The following FMNL2 variants were observed in gnomAD, a reference collection of about 807,000 sequenced individuals.
FMNL2 encodes the protein formin-like protein 2.
FMNL2 carries 51 observed loss-of-function variants against 130.2 expected under a neutral mutation model. The observed-to-expected ratio is 0.39, with a 90% CI of 0.31 to 0.49. The LOEUF is 0.49. FMNL2 is among the 20% of genes least tolerant of loss of function. The probability of loss-of-function intolerance (pLI) is 0.85; values close to 1 mark genes in which losing one functional copy is unlikely to be tolerated. For missense variants in FMNL2, 977 were observed against 1,316.2 expected, an observed-to-expected ratio of 0.74 and a Z score of 3.99; for synonymous variants, 465 against 467.1, an observed-to-expected ratio of 1.00 and a Z score of 0.06.
At chr2:152,607,882 AT>A (rs34946629) in intron 10 of FMNL2, among the ~76,000 whole-genome samples, 4,644 of 150,488 alleles carry the variant, frequency 0.031, 125 homozygotes, top group African/African-American at 0.066. Flanking sequence ...TGCAGCAGTG[AT>A]TTTTTTTTTC....
At chr2:152,404,646 C>A (rs1321346797) in intron 1 of FMNL2, among the ~76,000 whole-genome samples, 3 of 152,078 alleles carry the variant, frequency 2.0e-5, no homozygotes, top group African/African-American at 7.2e-5. Flanking sequence ...GAGTCCTAAT[C>A]AAAAATTGGT....
At chr2:152,354,945 A>G (rs1682701878) in intron 1 of FMNL2, among the ~76,000 whole-genome samples, 1 of 152,220 alleles carries the variant, frequency 6.6e-6, no homozygotes. Context: ...TAATGAAGGT[A>G]TGAACCCATT....
At chr2:152,377,266 C>T (rs896578359) in intron 1 of FMNL2, among the ~76,000 whole-genome samples, 2 of 152,222 alleles carry the variant, frequency 1.3e-5, no homozygotes, top group Admixed American at 1.3e-4. Context: ...GCAAGCCTCC[C>T]TTGTAACTGT....
intron 7 of FMNL2, chr2:152,578,575 G>A (rs79964716): frequency 0.025 from 4,624 of 188,008 alleles, 404 homozygotes; most frequent in Admixed American, 0.17. Context: ...TTTGATAATA[G>A]CATCATTGCC....
chr2:152,584,062 A>T (rs113516814), intron 9 of FMNL2, among the ~76,000 whole-genome samples: 131 of 151,828 alleles, frequency 8.6e-4, no homozygotes, highest in African/African-American at 2.9e-3. Context: ...TAAAACATGC[A>T]ATGCCGCTCA....
At chr2:152,425,470 T>C (rs1439518697) in intron 1 of FMNL2, among the ~76,000 whole-genome samples, 1 of 152,232 alleles carries the variant, frequency 6.6e-6, no homozygotes. Flanking sequence ...TATTACATAA[T>C]CTTTTTCTGA....
At chr2:152,350,436 A>T (rs1682414980) in intron 1 of FMNL2, among the ~76,000 whole-genome samples, 1 of 152,162 alleles carries the variant, frequency 6.6e-6, no homozygotes. Flanking sequence ...CTCTTGTTAA[A>T]TTCAGGTGAT....
At chr2:152,622,110 A>T (rs530428249) in intron 15 of FMNL2, among the ~76,000 whole-genome samples, 2 of 152,308 alleles carry the variant, frequency 1.3e-5, no homozygotes, top group African/African-American at 4.8e-5. Context: ...TGATAGAACA[A>T]CCTGGCTCCC....
intron 2 of FMNL2, among the ~76,000 whole-genome samples, chr2:152,534,114 T>C (rs959567962): frequency 1.1e-4 from 16 of 152,200 alleles, no homozygotes; most frequent in African/African-American, 4.8e-5. Flanking sequence ...AATCTGTGCC[T>C]AAATTAAATA....
chr2:152,365,401 C>G (rs1424410277), intron 1 of FMNL2, among the ~76,000 whole-genome samples: 1 of 151,512 alleles, frequency 6.6e-6, no homozygotes, highest in African/African-American at 2.4e-5. Flanking sequence ...AAGTTGTGGT[C>G]AAACTTATGT....
Position 152,649,474 on chromosome 2 carries a change from C to CT in FMNL2, c.*1570dup, listed in dbSNP as rs1580188235. 6.6e-6 allele frequency: 1 copy of CT among 152,538 alleles called. No individual in the cohort carries two copies. Among genetic ancestry groups the CT allele is most frequent in the African/African-American group, 2.4e-5 (1 of 41,424 alleles). 9.4% of individuals were successfully genotyped at this position (152,538 alleles called of 1,614,324 possible). A position where few individuals can be genotyped will look rare whatever the true frequency, so the allele number is the denominator to read the frequency against. On this transcript the variant is annotated 3_prime_UTR_variant, in exon 26 of 26. Transcript: ENST00000288670. ...TGTACCTATTTACAGAAAGATTAAA[C>CT]TGCCACCTGCGGGCACATTCCCATA...
intron 2 of FMNL2, among the ~76,000 whole-genome samples, chr2:152,540,431 A>C (rs1694246411): frequency 6.6e-6 from 1 of 152,178 alleles, no homozygotes; most frequent in South Asian, 2.1e-4. Flanking sequence ...ATTTGAAGGA[A>C]TAATTAGAAA....
intron 4 of FMNL2, among the ~76,000 whole-genome samples, chr2:152,555,455 C>T (rs1161312022): frequency 6.6e-6 from 1 of 152,200 alleles, no homozygotes; most frequent in East Asian, 1.9e-4. Context: ...CTTTGGGCTA[C>T]TTGGCTTGAT....
chr2:152,340,476 A>G (rs913025706), intron 1 of FMNL2, among the ~76,000 whole-genome samples: 4 of 152,210 alleles, frequency 2.6e-5, no homozygotes, highest in Admixed American at 6.5e-5. Context: ...GCCTTTTGGC[A>G]TCTTCACTGT....
At chr2:152,395,446 A>T (rs1685340237) in intron 1 of FMNL2, among the ~76,000 whole-genome samples, 1 of 152,210 alleles carries the variant, frequency 6.6e-6, no homozygotes, top group African/African-American at 2.4e-5. Flanking sequence ...TATGCCCCAG[A>T]TGGCCTGTTA....
chr2:152,364,288 T>TACCAGATCC (rs1683381016), intron 1 of FMNL2, among the ~76,000 whole-genome samples: 1 of 144,276 alleles, frequency 6.9e-6, no homozygotes, highest in Non-Finnish European at 1.5e-5. Context: ...TTTTTTTTTT[T>TACCAGATCC]TTTTACCAGA....
chr2:152,582,072 A>G (rs752516333), intron 9 of FMNL2, among the ~76,000 whole-genome samples: 1 of 152,154 alleles, frequency 6.6e-6, no homozygotes, highest in African/African-American at 2.4e-5. Context: ...AAATATTAAT[A>G]TCTTGATTTT....
At chr2:152,593,876 T>A (rs1423001433) in intron 9 of FMNL2, among the ~76,000 whole-genome samples, 31 of 96,138 alleles carry the variant, frequency 3.2e-4, no homozygotes, top group African/African-American at 1.2e-3. Context: ...TGTGTGTGTG[T>A]GTGTGTGTGT....
chr2:152,604,372 GCTTT>G lies in FMNL2; in HGVS notation c.877-2964_877-2961del, dbSNP rs1396296370. Among the ~76,000 whole-genome samples, 2 of 150,864 alleles carry G rather than the reference GCTTT, an allele frequency of 1.3e-5. 1 individual carries two copies. Among genetic ancestry groups the G allele is most frequent in the East Asian group, 4.1e-4 (2 of 4,894 alleles). On this transcript the variant is annotated intron_variant, in intron 9 of 25. Coordinates refer to ENST00000288670, the MANE Select transcript of FMNL2 (RefSeq NM_052905.4). ...CAGATTATGCAAAAGGCATTTTTCA[GCTTT>G]CTAACATTCTTCGAAGAGCTTTGCC...
Sources: allele counts gnomAD v4.1 joint callset (sites outside exome capture counted in the v4.1 genomes callset), GRCh38; gene constraint gnomAD v4.1.1; transcripts MANE v1.5; gene names NCBI Gene and HGNC (gene_info 2026-07-23, HGNC 2026-07-21).